The following MPP3 variants were observed in gnomAD, a reference collection of about 807,000 sequenced individuals.
MPP3 encodes the protein MAGUK p55 scaffold protein 3.
Under a neutral mutation model 80.7 loss-of-function variants are expected in MPP3, and 48 were observed. That is an observed-to-expected ratio of 0.59 (90% CI 0.47 to 0.76). MPP3 has a LOEUF of 0.76. MPP3 is among the 30% of genes least tolerant of loss of function. The pLI is 0.00. For missense variants in MPP3, 620 were observed against 763.0 expected, an observed-to-expected ratio of 0.81 and a Z score of 2.21; for synonymous variants, 311 against 297.6, an observed-to-expected ratio of 1.04 and a Z score of -0.46.
At chr17:43,832,405 C>A (rs915301497) in intron 2 of MPP3, among the ~76,000 whole-genome samples, 1 of 152,158 alleles carries the variant, frequency 6.6e-6, no homozygotes, top group Non-Finnish European at 1.5e-5. Context: ...CTGGGACACA[C>A]CTTCCACAAC....
intron 18 of MPP3, 122 bp downstream of exon 18, chr17:43,810,685 T>C (rs1215993726): frequency 1.3e-5 from 9 of 679,794 alleles, no homozygotes; most frequent in South Asian, 3.8e-5. Context: ...CCCAAAGAAA[T>C]TGAACAGCCA....
intron 19 of MPP3, among the ~76,000 whole-genome samples, chr17:43,805,486 A>C (rs1009870771): frequency 6.6e-6 from 1 of 152,216 alleles, no homozygotes; most frequent in African/African-American, 2.4e-5. Flanking sequence ...TGTTCACACA[A>C]AAACTTGTAT....
intron 16 of MPP3, chr17:43,811,459 G>C (rs2044854912): frequency 1.0e-5 from 5 of 488,040 alleles, no homozygotes; most frequent in Non-Finnish European, 1.5e-5. Context: ...GCACGGAGAG[G>C]TTCAGCACTG....
chr17:43,814,737 C>A, intron 14 of MPP3: 1 of 173,842 alleles, frequency 5.8e-6, no homozygotes, highest in Non-Finnish European at 1.2e-5. Flanking sequence ...ATGATGGGGA[C>A]AATTGTTAAC....
rs1041046749 is a variant in MPP3, at chr17:43,814,082, C to T, written c.1184G>A (p.Gly395Glu). The change falls in exon 16 of 20, where the codon GGA (glycine) becomes GAA (glutamate). Residue 395 changes from glycine (G) to glutamate (E), a missense_variant. Gly to Glu is a moderately conservative substitution (Grantham distance 98). Transcript: ENST00000398389. The part of the protein sequence containing the change: ...PRLVVLIGSL[G>E]ARLHELKQKV... ...TTGCTTCAGCTCGTGCAGTCGGGCT[C>T]CCAGAGACCCTGGGAAACAAGAAGA... The T allele has an allele frequency of 1.9e-6, 3 of 1,612,410 alleles. No homozygotes were observed. The highest frequency in any genetic ancestry group is 2.5e-6 in the Non-Finnish European group (3 of 1,178,848).
At chr17:43,830,265 A>G (rs1567830392) in intron 5 of MPP3, among the ~76,000 whole-genome samples, 158 bp from the exon 6 acceptor site, 1 of 152,146 alleles carries the variant, frequency 6.6e-6, no homozygotes, top group Non-Finnish European at 1.5e-5. Flanking sequence ...ACATCACACC[A>G]GGGGTCAGGA....
intron 19 of MPP3, 142 bp downstream of exon 19, chr17:43,808,814 T>A: frequency 1.0e-6 from 1 of 991,592 alleles, no homozygotes; most frequent in African/African-American, 1.7e-5. Context: ...AGTTTTTCAA[T>A]AGGCAAAATG....
rs200185422 is a variant in MPP3 at position 43,814,316 on chromosome 17, C to T, written c.1055G>A (p.Gly352Asp). 3.8e-4 allele frequency: 615 copies of T among 1,610,796 alleles called. 3 individuals are homozygous for T. The African/African-American group carries it at 7.3e-3, about 19-fold the overall frequency. Residue 352 changes from glycine (G) to aspartate (D), a missense_variant, in exon 15 of 20, where the codon GGT becomes GAT. By Grantham distance (94) the Gly-to-Asp change is moderately conservative. Transcript: ENST00000398389. ...GGACATCTTTCCTTCCTGCGAGCCA[C>T]CCAGTCTCTCCCTACAGCCCAGCCG... ...SFRLGCRERL[G>D]GSQEGKMSSG...
chr17:43,828,462 T>TG (rs1222409402), intron 7 of MPP3, among the ~76,000 whole-genome samples: 3 of 152,224 alleles, frequency 2.0e-5, no homozygotes, highest in African/African-American at 7.2e-5. Context: ...TGGACAGCCT[T>TG]GGGTGTGAAC....
intron 13 of MPP3, 94 bp downstream of exon 13, chr17:43,816,583 G>A: frequency 1.7e-6 from 2 of 1,181,838 alleles, no homozygotes; most frequent in Non-Finnish European, 2.5e-6. Context: ...GGGCACAGCT[G>A]CCCAGATAGG....
At chr17:43,819,117 G>A (rs957552715) in intron 11 of MPP3, 10 of 152,160 alleles carry the variant, frequency 6.6e-5, no homozygotes, top group African/African-American at 2.4e-4. Flanking sequence ...TTCTGGGCAG[G>A]ACCCATGGAT....
At chr17:43,810,727 G>T in intron 18 of MPP3, 80 bp downstream of exon 18, 1 of 956,976 alleles carries the variant, frequency 1.0e-6, no homozygotes, top group Admixed American at 2.3e-5. Context: ...TTAGACTGAG[G>T]TTAAGTGTTG....
chr17:43,816,067 C>T lies in MPP3; in HGVS notation c.980G>A (p.Cys327Tyr), dbSNP rs201922958. The change falls in exon 14 of 20, where the codon TGT becomes TAT. Residue 327 changes from cysteine (C) to tyrosine (Y), a missense_variant. By Grantham distance (194) the Cys-to-Tyr change is radical (BLOSUM62 -2). Transcript: ENST00000398389. ...DQPCDKETCD[C>Y]EGYLKGHYVA... ...ATAGTGCCCTTTGAGGTAGCCCTCA[C>T]AGTCACAGGTCTCTGGGAAGCAAAC... 3.3e-6 allele frequency: 5 copies of T among 1,509,154 alleles called. No homozygotes were observed. The highest frequency in any genetic ancestry group is 5.2e-5 in the East Asian group (2 of 38,206). 93.5% of individuals were successfully genotyped at this position (1,509,154 alleles called of 1,614,324 possible). A position where few individuals can be genotyped will look rare whatever the true frequency, so the allele number is the denominator to read the frequency against.
At position 43,831,950 on chromosome 17, in the gene MPP3, G is replaced by A. The variant is rs1212566507; in HGVS notation, c.-37-7C>T. 8.1e-6 allele frequency: 13 copies of A among 1,596,892 alleles called. No individual in the cohort carries two copies. The highest frequency in any genetic ancestry group is 1.1e-5 in the Non-Finnish European group (13 of 1,166,650). ...CGACCTCTCCCTGCAGATTCTGGGA[G>A]AAGGGGGTGGAGGTGGGTATTGAAG... On this transcript the variant is annotated splice_region_variant and splice_polypyrimidine_tract_variant and intron_variant, in intron 2 of 19. Transcript: ENST00000398389.
intron 14 of MPP3, among the ~76,000 whole-genome samples, chr17:43,815,246 C>T (rs2045058397): frequency 6.6e-6 from 1 of 152,044 alleles, no homozygotes; most frequent in African/African-American, 2.4e-5. Context: ...AGGGAAGAAT[C>T]GCTTGAGCCT....
chr17:43,820,812 G>A (rs538049342), intron 11 of MPP3, 50 bp downstream of exon 11: 9 of 1,572,028 alleles, frequency 5.7e-6, no homozygotes, highest in South Asian at 1.1e-5. Flanking sequence ...CCATGTACCT[G>A]TGCCTCTGCC....
Position 43,814,404 on chromosome 17 carries a change from T to C in MPP3, c.1010-43A>G. On this transcript the variant is annotated intron_variant, in intron 14 of 19. Transcript: ENST00000398389. ...AGGGACACCATGGCATTTGTCCCAG[T>C]TGTCCCAGGATCTCCCAGTAGAGAC... 2 of 1,554,104 alleles carry C rather than the reference T, an allele frequency of 1.3e-6. 1 individual carries two copies. Among genetic ancestry groups the C allele is most frequent in the Non-Finnish European group, 1.7e-6 (2 of 1,156,234 alleles).
At chr17:43,828,246 A>G (rs1021470412) in intron 7 of MPP3, among the ~76,000 whole-genome samples, 2 of 152,140 alleles carry the variant, frequency 1.3e-5, no homozygotes, top group Admixed American at 6.5e-5. Context: ...CCTCTACCCA[A>G]TCACAGGGTT....
At chr17:43,808,851 G>A (rs1428456228) in intron 19 of MPP3, 105 bp downstream of exon 19, 5 of 1,302,918 alleles carry the variant, frequency 3.8e-6, no homozygotes, top group Non-Finnish European at 5.2e-6. Flanking sequence ...TAGAAGGTGT[G>A]TCCCGCATCC....
Sources: gnomAD v4.1 joint callset for allele counts (sites outside exome capture counted in the v4.1 genomes callset) on GRCh38, gnomAD v4.1.1 for gene constraint, MANE v1.5 for transcripts, NCBI Gene and HGNC (gene_info 2026-07-23, HGNC 2026-07-21) for gene names.